Variants in KGD4 observed in about 807,000 individuals in gnomAD.
The protein encoded by KGD4 is alpha-ketoglutarate dehydrogenase component 4.
At chr5:69,220,856 C>T in the KGD4 span, among the ~76,000 whole-genome samples, 1 of 152,202 alleles carries the variant, frequency 6.6e-6, no homozygotes, top group Admixed American at 6.6e-5. Flanking sequence ...ATTCTTCTGC[C>T]TTGGGATGCT....
chr5:69,226,847 CAA>C, the KGD4 span, among the ~76,000 whole-genome samples: 12 of 135,522 alleles, frequency 8.9e-5, no homozygotes, highest in African/African-American at 2.4e-4. Context: ...GACTTTGTCT[CAA>C]AAAAAAAAAA....
the KGD4 span, among the ~76,000 whole-genome samples, chr5:69,221,263 A>G: frequency 6.6e-6 from 1 of 151,572 alleles, no homozygotes; most frequent in African/African-American, 2.4e-5. Flanking sequence ...GCTACTTAGG[A>G]GGCTGAGGTG....
chr5:69,229,208 C>T, the KGD4 span: 54 of 1,609,500 alleles, frequency 3.4e-5, no homozygotes, highest in East Asian at 1.1e-4. Flanking sequence ...TCCTTTTCAG[C>T]GTGGAGGTCC....
At chr5:69,226,619 C>T in the KGD4 span, among the ~76,000 whole-genome samples, 3 of 151,892 alleles carry the variant, frequency 2.0e-5, no homozygotes, top group South Asian at 2.1e-4. Flanking sequence ...GGCCGAGGCA[C>T]GCGGATCACC....
chr5:69,217,887 G>T, the KGD4 span: 24 of 1,613,950 alleles, frequency 1.5e-5, no homozygotes, highest in Non-Finnish European at 1.9e-5. Flanking sequence ...GCAATTTGTC[G>T]CGTTTCCGCA....
At chr5:69,226,964 C>T in the KGD4 span, among the ~76,000 whole-genome samples, 5 of 152,098 alleles carry the variant, frequency 3.3e-5, no homozygotes, top group East Asian at 1.9e-4. Flanking sequence ...CTCCCCCTCC[C>T]GGGTTAAAGC....
the KGD4 span, among the ~76,000 whole-genome samples, chr5:69,224,585 G>A: frequency 6.6e-6 from 1 of 152,020 alleles, no homozygotes; most frequent in African/African-American, 2.4e-5. Flanking sequence ...ATATAGTAGG[G>A]AAATAACACT....
At chr5:69,228,292 T>C in the KGD4 span, 1 of 1,610,330 alleles carries the variant, frequency 6.2e-7, no homozygotes, top group Non-Finnish European at 8.5e-7. Context: ...TTTGCTGATG[T>C]ATCAGGGTCC....
chr5:69,221,257 C>T, the KGD4 span, among the ~76,000 whole-genome samples: 1 of 151,652 alleles, frequency 6.6e-6, no homozygotes, highest in Non-Finnish European at 1.5e-5. Context: ...GTCCTAGCTA[C>T]TTAGGAGGCT....
chr5:69,219,875 ACATTAG>A, the KGD4 span, among the ~76,000 whole-genome samples: 2 of 152,200 alleles, frequency 1.3e-5, no homozygotes, highest in Non-Finnish European at 2.9e-5. Flanking sequence ...ATTACATATA[ACATTAG>A]CAAAATTTGT....
At chr5:69,229,021 C>CAAA in the KGD4 span, among the ~76,000 whole-genome samples, 11 of 50,484 alleles carry the variant, frequency 2.2e-4, no homozygotes, top group Non-Finnish European at 2.7e-4. Flanking sequence ...AACTCCATCT[C>CAAA]AAAAAAAAAA....
chr5:69,218,004 C>T, the KGD4 span: 8 of 1,437,726 alleles, frequency 5.6e-6, no homozygotes, highest in East Asian at 1.9e-4. Flanking sequence ...AGTGACGGCG[C>T]CCGCGGGTGT....
the KGD4 span, chr5:69,226,463 A>T: frequency 8.9e-7 from 1 of 1,120,274 alleles, no homozygotes. Context: ...ATAAATGAGT[A>T]TTTTATTATA....
At chr5:69,223,955 C>T in the KGD4 span, among the ~76,000 whole-genome samples, 1 of 150,484 alleles carries the variant, frequency 6.6e-6, no homozygotes, top group Non-Finnish European at 1.5e-5. Context: ...ATCACTTGAA[C>T]CCTTGAGGCG....
chr5:69,218,142 C>G, the KGD4 span: 12 of 523,064 alleles, frequency 2.3e-5, no homozygotes, highest in Non-Finnish European at 4.0e-5. Context: ...CGGGATCCCC[C>G]GCTCCTCCGC....
chr5:69,228,187 T>C, the KGD4 span: 3 of 1,538,786 alleles, frequency 1.9e-6, no homozygotes, highest in Non-Finnish European at 2.6e-6. Flanking sequence ...GTCTTTTTTT[T>C]TTTTAATTTC....
chr5:69,223,320 C>A, the KGD4 span, among the ~76,000 whole-genome samples: 1 of 151,868 alleles, frequency 6.6e-6, no homozygotes, highest in Admixed American at 6.6e-5. Flanking sequence ...ACCTCATGAT[C>A]CACCCACCTC....
chr5:69,229,129 A>G, the KGD4 span: 1 of 1,268,440 alleles, frequency 7.9e-7, no homozygotes, highest in Non-Finnish European at 1.1e-6. Context: ...AAGATTGTAT[A>G]AATTTGTAAA....
chr5:69,219,400 G>A, the KGD4 span, among the ~76,000 whole-genome samples: 1 of 152,184 alleles, frequency 6.6e-6, no homozygotes, highest in Non-Finnish European at 1.5e-5. Context: ...CTGGCAGCAG[G>A]AGTGTGGCAT....
Sources: gnomAD v4.1 joint callset for allele counts (sites outside exome capture counted in the v4.1 genomes callset) on GRCh38, gnomAD v4.1.1 for gene constraint, MANE v1.5 for transcripts, NCBI Gene and HGNC (gene_info 2026-07-23, HGNC 2026-07-21) for gene names.